RFX3: variants seen among roughly 807,000 people sequenced by gnomAD.
RFX3 encodes the protein transcription factor RFX3.
A neutral mutation model predicts 98.6 loss-of-function variants in RFX3; 14 were observed. The ratio of observed to expected loss-of-function variants is 0.14; its 90% confidence interval spans 0.09 to 0.22. The LOEUF (loss-of-function observed/expected upper bound fraction) is 0.22. Ranked by LOEUF, RFX3 falls within the 10% of genes least tolerant of loss-of-function variation. The pLI is 1.00. For synonymous variants in RFX3, 383 were observed against 328.4 expected (o/e 1.17, Z -1.80); for missense variants, 639 against 926.9 (o/e 0.69, Z 4.03).
chr9:3,301,771 C>T (rs1828687677), intron 4 of RFX3, 151 bp from the exon 5 acceptor site: 1 of 516,430 alleles, frequency 1.9e-6, no homozygotes, highest in Non-Finnish European at 3.5e-6. Flanking sequence ...TCCCCTTCTT[C>T]CCCACCCTCC....
intron 5 of RFX3, among the ~76,000 whole-genome samples, chr9:3,299,586 T>C (rs1586937684): frequency 6.6e-6 from 1 of 151,806 alleles, no homozygotes; most frequent in Non-Finnish European, 1.5e-5. Flanking sequence ...TCTTTCCACA[T>C]ACTGAAGTGT....
chr9:3,482,294 TACAC>T (rs955985674), intron 1 of RFX3, among the ~76,000 whole-genome samples: 1 of 151,368 alleles, frequency 6.6e-6, no homozygotes, highest in Non-Finnish European at 1.5e-5. Context: ...AAAGAGCACA[TACAC>T]ACACAAGCAG....
intron 1 of RFX3, among the ~76,000 whole-genome samples, chr9:3,485,329 C>T (rs1850167840): frequency 6.6e-6 from 1 of 152,258 alleles, no homozygotes; most frequent in Admixed American, 6.5e-5. Flanking sequence ...GTGCCAGGCA[C>T]TGGATTACAC....
intron 1 of RFX3, among the ~76,000 whole-genome samples, chr9:3,511,300 C>A (rs1817642354): frequency 6.6e-6 from 1 of 151,920 alleles, no homozygotes; most frequent in Non-Finnish European, 1.5e-5. Context: ...TAATACTAGT[C>A]TGCTCATTAT....
intron 2 of RFX3, among the ~76,000 whole-genome samples, chr9:3,357,668 A>G (rs916153205): frequency 6.6e-6 from 1 of 151,996 alleles, no homozygotes; most frequent in Admixed American, 6.6e-5. Context: ...AGTAAGTTCT[A>G]GTATTTGGTA....
At position 3,373,325 on chromosome 9, in the gene RFX3, T is replaced by A. The variant is rs571007607; in HGVS notation, c.117+22147A>T. Among the ~76,000 whole-genome samples the A allele has an allele frequency of 1.2e-3, 187 of 152,232 alleles. 1 individual carries two copies. Among genetic ancestry groups the A allele is most frequent in the African/African-American group, 4.2e-3 (175 of 41,534 alleles). On this transcript the variant is annotated intron_variant, in intron 2 of 16. Transcript: ENST00000617270. ...GCAGCTAAGACCACTTAAAATCACA[T>A]CACATCCCAAAAGAATAAACATTCC...
chr9:3,491,940 G>A (rs975454501), intron 1 of RFX3, among the ~76,000 whole-genome samples: 1 of 152,064 alleles, frequency 6.6e-6, no homozygotes, highest in Non-Finnish European at 1.5e-5. Flanking sequence ...CATGCTAATC[G>A]ATGCTATCTA....
At chr9:3,317,466 C>T (rs1484519881) in intron 4 of RFX3, among the ~76,000 whole-genome samples, 5 of 152,164 alleles carry the variant, frequency 3.3e-5, no homozygotes, top group African/African-American at 1.2e-4. Flanking sequence ...TGGGCAAGGA[C>T]TTCATGACTA....
At chr9:3,391,968 A>G (rs1428961615) in intron 2 of RFX3, among the ~76,000 whole-genome samples, 3 of 152,162 alleles carry the variant, frequency 2.0e-5, no homozygotes, top group Non-Finnish European at 4.4e-5. Context: ...TGCAATAAAT[A>G]CCCAACTCTT....
rs537501292 is a variant in RFX3, at chr9:3,402,848, G to C, written c.-8-7252C>G. Among the ~76,000 whole-genome samples the C allele has an allele frequency of 4.0e-5, 6 of 151,776 alleles. No individual in the cohort carries two copies. In the South Asian group the frequency reaches 1.2e-3, roughly 32 times the overall value. On this transcript the variant is annotated intron_variant, in intron 1 of 16. Transcript: ENST00000617270. The stretch of plus-strand genomic sequence containing the variant: ...ATTACTGACATTTAACATAAATTTA[G>C]TACAAAATGTACACAATTCCAGCTA...
chr9:3,235,702 T>C (rs1819055968), intron 15 of RFX3, among the ~76,000 whole-genome samples: 1 of 152,158 alleles, frequency 6.6e-6, no homozygotes, highest in Non-Finnish European at 1.5e-5. Flanking sequence ...TGATGTCAGG[T>C]TGAGTCTCAC....
Position 3,277,475 on chromosome 9 carries a change from A to G in RFX3, c.852-14T>C. 6.2e-7 allele frequency: 1 copy of G among 1,609,524 alleles called. No individual in the cohort carries two copies. The highest frequency in any genetic ancestry group is 8.5e-7 in the Non-Finnish European group (1 of 1,176,972). On this transcript the variant is annotated splice_polypyrimidine_tract_variant and intron_variant, in intron 7 of 16. Transcript: ENST00000617270. ...ATAGGCTTGTACCTAAAAATATTAGATGGAAAAAAACAAATAAACCAAATT... is the reference window on the plus strand; with the variant it reads ...ATAGGCTTGTACCTAAAAATATTAGGTGGAAAAAAACAAATAAACCAAATT...
At chr9:3,343,537 C>G (rs1834125756) in intron 3 of RFX3, among the ~76,000 whole-genome samples, 2 of 152,108 alleles carry the variant, frequency 1.3e-5, no homozygotes, top group African/African-American at 2.4e-5. Context: ...AGTCAAATGT[C>G]AGCACTACAA....
At chr9:3,477,142 C>G (rs929335550) in intron 1 of RFX3, among the ~76,000 whole-genome samples, 4 of 152,104 alleles carry the variant, frequency 2.6e-5, no homozygotes, top group Non-Finnish European at 5.9e-5. Flanking sequence ...CTTCTCCAGA[C>G]AGCAAAGTAT....
intron 2 of RFX3, among the ~76,000 whole-genome samples, chr9:3,379,079 C>G (rs1016739731): frequency 3.9e-5 from 6 of 152,296 alleles, no homozygotes; most frequent in Non-Finnish European, 8.8e-5. Context: ...CAAACATTTA[C>G]TGAGGACCCA....
intron 2 of RFX3, among the ~76,000 whole-genome samples, chr9:3,375,095 A>AT (rs1201429613): frequency 6.6e-6 from 1 of 152,224 alleles, no homozygotes; most frequent in Non-Finnish European, 1.5e-5. Flanking sequence ...AGTGACTAAT[A>AT]TTTACTCAAG....
At chr9:3,431,046 A>T (rs1052079500) in intron 1 of RFX3, among the ~76,000 whole-genome samples, 1 of 152,240 alleles carries the variant, frequency 6.6e-6, no homozygotes, top group Admixed American at 6.5e-5. Flanking sequence ...TAATAACTGC[A>T]TAAAATTAAC....
intron 5 of RFX3, among the ~76,000 whole-genome samples, chr9:3,298,939 G>A (rs897050394): frequency 3.3e-5 from 5 of 151,496 alleles, no homozygotes; most frequent in African/African-American, 9.7e-5. Flanking sequence ...GGTAAAATAC[G>A]GGATGCAAAT....
rs72699076 is a variant in RFX3, at chr9:3,366,239, G to A, written c.118-19475C>T. ...ACCATAGGTGAGCATTTTATGCCCC[G>A]GATGCAGTGTCTTTTTATAGGAGAG... On this transcript the variant is annotated intron_variant, in intron 2 of 16. Transcript: ENST00000617270. Among the ~76,000 whole-genome samples, 19 of 152,206 alleles carry A rather than the reference G, an allele frequency of 1.2e-4. No homozygotes were observed. In the South Asian group the frequency reaches 2.7e-3, roughly 22 times the overall value.
Sources: allele counts gnomAD v4.1 joint callset (sites outside exome capture counted in the v4.1 genomes callset), GRCh38; gene constraint gnomAD v4.1.1; transcripts MANE v1.5; gene names NCBI Gene and HGNC (gene_info 2026-07-23, HGNC 2026-07-21).